The following EXOC4 variants were observed in gnomAD, a reference collection of about 807,000 sequenced individuals.
EXOC4 encodes SEC8-like 1.
A neutral mutation model predicts 107.2 loss-of-function variants in EXOC4; 71 were observed. The ratio of observed to expected loss-of-function variants is 0.66; its 90% CI spans 0.55 to 0.81. EXOC4 has a LOEUF of 0.81. Ranked by LOEUF, EXOC4 falls within the 30% of genes least tolerant of loss-of-function variation. The pLI, the probability that EXOC4 is intolerant of heterozygous loss-of-function variation, is 0.00. For missense variants in EXOC4, 1,108 were observed against 1,189.6 expected (o/e 0.93, Z 1.01); for synonymous variants, 456 against 441.2 (o/e 1.03, Z -0.42).
At chr7:133,377,678 C>T (rs1416136642) in intron 7 of EXOC4, among the ~76,000 whole-genome samples, 4 of 151,998 alleles carry the variant, frequency 2.6e-5, no homozygotes, top group Admixed American at 1.3e-4. Context: ...ATGCAAGAAA[C>T]GTAACAAATC....
intron 1 of EXOC4, among the ~76,000 whole-genome samples, chr7:133,256,774 A>G (rs929254467): frequency 4.6e-5 from 7 of 152,144 alleles, no homozygotes; most frequent in Non-Finnish European, 8.8e-5. Flanking sequence ...TTAATATTGT[A>G]TTCAAAAAAC....
chr7:133,454,167 T>C (rs1409946916), intron 7 of EXOC4, among the ~76,000 whole-genome samples: 1 of 152,206 alleles, frequency 6.6e-6, no homozygotes, highest in Non-Finnish European at 1.5e-5. Flanking sequence ...ACGTTATAAA[T>C]ATTCAGTTTC....
chr7:133,779,842 C>T (rs968100955), intron 10 of EXOC4, among the ~76,000 whole-genome samples: 1 of 151,686 alleles, frequency 6.6e-6, no homozygotes, highest in African/African-American at 2.4e-5. Context: ...TGGGCGGGGA[C>T]AAATAAGGGA....
chr7:133,866,395 G>A (rs1798641488), intron 11 of EXOC4, among the ~76,000 whole-genome samples: 1 of 152,142 alleles, frequency 6.6e-6, no homozygotes, highest in African/African-American at 2.4e-5. Context: ...GGTATGAGAT[G>A]TTTGGGGGCA....
At chr7:133,701,986 T>C (rs199765319) in intron 10 of EXOC4, among the ~76,000 whole-genome samples, 8 of 24,210 alleles carry the variant, frequency 3.3e-4, no homozygotes, top group African/African-American at 1.1e-4. Flanking sequence ...TTTCCTTTTC[T>C]TTCTTTCTTT....
At chr7:134,033,726 A>G (rs1477315969) in intron 17 of EXOC4, among the ~76,000 whole-genome samples, 1 of 152,184 alleles carries the variant, frequency 6.6e-6, no homozygotes, top group Non-Finnish European at 1.5e-5. Flanking sequence ...AAATAGCCTC[A>G]CCTAAAACAC....
At chr7:133,468,641 T>A (rs746876140) in intron 7 of EXOC4, among the ~76,000 whole-genome samples, 1 of 152,144 alleles carries the variant, frequency 6.6e-6, no homozygotes, top group Non-Finnish European at 1.5e-5. Context: ...TGGGTAAGAC[T>A]ATACTTTCTG....
intron 10 of EXOC4, among the ~76,000 whole-genome samples, chr7:133,798,243 C>T (rs1457249098): frequency 1.3e-5 from 2 of 152,042 alleles, no homozygotes; most frequent in Non-Finnish European, 2.9e-5. Context: ...TGCAAAGGTA[C>T]TGTAATCTAT....
intron 5 of EXOC4, among the ~76,000 whole-genome samples, chr7:133,341,332 G>A (rs1291235903): frequency 6.6e-6 from 1 of 152,106 alleles, no homozygotes; most frequent in African/African-American, 2.4e-5. Flanking sequence ...CCATGTATTT[G>A]TAGTGTTTTG....
chr7:133,260,539 G>T (rs1022577794), intron 1 of EXOC4, among the ~76,000 whole-genome samples: 36 of 152,214 alleles, frequency 2.4e-4, no homozygotes, highest in African/African-American at 8.4e-4. Context: ...CTCCCAAAGT[G>T]CAGGGATTAC....
chr7:133,388,970 A>G (rs780474545), intron 7 of EXOC4, among the ~76,000 whole-genome samples: 33 of 152,228 alleles, frequency 2.2e-4, no homozygotes, highest in Middle Eastern at 3.4e-3. Context: ...TTTGTCCTGT[A>G]TCTTGGATCT....
At chr7:133,930,343 T>C (rs1173660193) in intron 13 of EXOC4, 1 of 152,214 alleles carries the variant, frequency 6.6e-6, no homozygotes, top group African/African-American at 2.4e-5. Context: ...GCAAAGTTAG[T>C]GGCCAAGCTT....
intron 10 of EXOC4, among the ~76,000 whole-genome samples, chr7:133,647,263 T>C (rs777031272): frequency 2.0e-4 from 31 of 152,154 alleles, no homozygotes; most frequent in Non-Finnish European, 4.0e-4. Context: ...TAATATGACA[T>C]GGAACTAATT....
intron 9 of EXOC4, among the ~76,000 whole-genome samples, chr7:133,581,076 A>C (rs910204513): frequency 6.6e-6 from 1 of 152,198 alleles, no homozygotes; most frequent in African/African-American, 2.4e-5. Flanking sequence ...TAGGGTACAC[A>C]CTGGGCCTGT....
intron 11 of EXOC4, among the ~76,000 whole-genome samples, chr7:133,860,529 C>A (rs567867179): frequency 1.7e-4 from 26 of 152,336 alleles, no homozygotes; most frequent in African/African-American, 6.0e-4. Flanking sequence ...AAAAAGAAAT[C>A]TTTCCCCCCT....
intron 7 of EXOC4, among the ~76,000 whole-genome samples, chr7:133,442,615 C>A (rs149669638): frequency 2.0e-5 from 3 of 151,726 alleles, no homozygotes; most frequent in Admixed American, 6.6e-5. Context: ...TATTTATAAG[C>A]AAAAAGAAAG....
At chr7:133,321,778 A>G (rs1040699061) in intron 5 of EXOC4, among the ~76,000 whole-genome samples, 22 of 152,234 alleles carry the variant, frequency 1.4e-4, no homozygotes, top group African/African-American at 4.8e-4. Flanking sequence ...TTTTGGTTCC[A>G]GATCCTTGAG....
chr7:133,709,892 A>G (rs1250490697), intron 10 of EXOC4, among the ~76,000 whole-genome samples: 2 of 152,126 alleles, frequency 1.3e-5, no homozygotes, highest in East Asian at 1.9e-4. Context: ...TGCTGTAGGC[A>G]TTAGCTAGAC....
chr7:133,582,270 T>A (rs796581561), intron 9 of EXOC4, among the ~76,000 whole-genome samples: 5 of 152,324 alleles, frequency 3.3e-5, no homozygotes, highest in African/African-American at 1.2e-4. Flanking sequence ...CCTAGGGTAA[T>A]GGCCTCCAGT....
Sources: gnomAD v4.1 joint callset for allele counts (sites outside exome capture counted in the v4.1 genomes callset) on GRCh38, gnomAD v4.1.1 for gene constraint, MANE v1.5 for transcripts, NCBI Gene and HGNC (gene_info 2026-07-23, HGNC 2026-07-21) for gene names.